MBOAT1: variants seen among roughly 807,000 people sequenced by gnomAD.
The protein encoded by MBOAT1 is membrane-bound glycerophospholipid O-acyltransferase 1.
In MBOAT1, 67 loss-of-function variants were observed where a neutral mutation model predicts 64.4. That is an observed-to-expected ratio of 1.04 (90% CI 0.85 to 1.27). MBOAT1 has a LOEUF of 1.27. MBOAT1 is among the 50% of genes most tolerant of loss of function. MBOAT1 has a pLI of 0.00. For synonymous variants in MBOAT1, 229 were observed against 218.9 expected (o/e 1.05, Z -0.41); for missense variants, 563 against 604.6 (o/e 0.93, Z 0.72).
At chr6:20,120,564 G>A (rs1006091132) in intron 8 of MBOAT1, among the ~76,000 whole-genome samples, 5 of 152,118 alleles carry the variant, frequency 3.3e-5, no homozygotes, top group African/African-American at 1.2e-4. Flanking sequence ...AGCTACTCAG[G>A]AGGCTGAGGC....
chr6:20,118,293 T>G, intron 9 of MBOAT1, 144 bp downstream of exon 9: 1 of 636,572 alleles, frequency 1.6e-6, no homozygotes, highest in Non-Finnish European at 2.7e-6. Context: ...AGATGCAAAA[T>G]GTCCAGTAGG....
rs551953621 is a variant in MBOAT1, at chr6:20,205,420, C to T, written c.99+6716G>A. Among the ~76,000 whole-genome samples, 11 of 152,234 alleles carry T rather than the reference C, an allele frequency of 7.2e-5. No individual in the cohort carries two copies. In the South Asian group the frequency reaches 1.7e-3, roughly 23 times the overall value. The stretch of plus-strand genomic sequence containing the variant: ...CTGTGAAGAATCACCTCTTGTTCCA[C>T]AACAGGAAGGCTAAAGCTCCAGGAC... On this transcript the variant is annotated intron_variant, in intron 1 of 12. Transcript: ENST00000324607.
intron 2 of MBOAT1, among the ~76,000 whole-genome samples, chr6:20,152,150 G>A (rs775617169): frequency 2.6e-5 from 4 of 151,476 alleles, no homozygotes; most frequent in Non-Finnish European, 4.4e-5. Context: ...GTGAAACCCC[G>A]TCTCTACTAA....
At chr6:20,102,877 CGTA>C (rs965215731) in intron 12 of MBOAT1, among the ~76,000 whole-genome samples, 1 of 152,102 alleles carries the variant, frequency 6.6e-6, no homozygotes, top group African/African-American at 2.4e-5. Flanking sequence ...CTAGTGACGT[CGTA>C]GCCATCGTAA....
intron 12 of MBOAT1, among the ~76,000 whole-genome samples, chr6:20,107,397 C>T (rs148218766): frequency 3.4e-4 from 51 of 151,996 alleles, no homozygotes; most frequent in African/African-American, 1.1e-3. Flanking sequence ...CCTTGCCCAC[C>T]GCGCTCACAC....
chr6:20,135,088 T>G (rs1760943393), intron 4 of MBOAT1, among the ~76,000 whole-genome samples: 1 of 152,074 alleles, frequency 6.6e-6, no homozygotes, highest in Non-Finnish European at 1.5e-5. Context: ...TCTCCAACCT[T>G]GGATTTAAAC....
intron 8 of MBOAT1, among the ~76,000 whole-genome samples, chr6:20,123,857 C>T (rs565015723): frequency 5.3e-5 from 8 of 152,098 alleles, no homozygotes; most frequent in South Asian, 2.1e-4. Context: ...GAGATCGAGA[C>T]CATCCTGGCT....
rs187286544 is a variant in MBOAT1 at position 20,143,671 on chromosome 6, G to A, written c.419+549C>T. On this transcript the variant is annotated intron_variant, in intron 4 of 12. Transcript: ENST00000324607. Reference sequence around the variant, plus strand: ...CAATGGGTACTAGGCTTAATACCTGGGTGACGAAATAATCTGTACAACAAA... The same window carrying A: ...CAATGGGTACTAGGCTTAATACCTGAGTGACGAAATAATCTGTACAACAAA... Among the ~76,000 whole-genome samples, 270 of 152,094 alleles carry A rather than the reference G, an allele frequency of 1.8e-3. 4 individuals are homozygous for A. The highest frequency in any genetic ancestry group is 5.0e-3 in the Admixed American group (77 of 15,268).
intron 7 of MBOAT1, chr6:20,125,745 A>G: frequency 3.2e-6 from 1 of 315,812 alleles, no homozygotes; most frequent in Non-Finnish European, 6.1e-6. Context: ...TGTCAAAAAT[A>G]TCTAAAAACT....
rs533073668 is a variant in MBOAT1, at chr6:20,180,321, C to T, written c.100-27552G>A. ...CTCTTTTCAACAAACCCTGATAGCT[C>T]TTGATGTCCTCCTACTTGCTCCGAT... On this transcript the variant is annotated intron_variant, in intron 1 of 12. Coordinates refer to ENST00000324607, the MANE Select transcript of MBOAT1 (RefSeq NM_001080480.3). Among the ~76,000 whole-genome samples, 5 of 152,240 alleles carry T rather than the reference C, an allele frequency of 3.3e-5. No homozygotes were observed. In the South Asian group the frequency reaches 1.0e-3, roughly 32 times the overall value.
At chr6:20,138,514 T>C (rs942538575) in intron 4 of MBOAT1, among the ~76,000 whole-genome samples, 1 of 152,258 alleles carries the variant, frequency 6.6e-6, no homozygotes, top group African/African-American at 2.4e-5. Flanking sequence ...ATCCACGATG[T>C]TCAGAAGCAC....
Position 20,203,158 on chromosome 6 carries a change from T to C in MBOAT1, c.99+8978A>G, listed in dbSNP as rs540201355. 3.5e-3 allele frequency among the ~76,000 whole-genome samples: 540 copies of C among 152,140 alleles called. 1 individual carries two copies. The highest frequency in any genetic ancestry group is 0.013 in the African/African-American group (520 of 41,510). On this transcript the variant is annotated intron_variant, in intron 1 of 12. Transcript: ENST00000324607. ...GTCTCAATAAAAAATAAAAATAAAA[T>C]AATAAATGTAATTCCAAGGCCAAGC...
intron 1 of MBOAT1, among the ~76,000 whole-genome samples, chr6:20,153,321 T>C (rs1227562082): frequency 1.3e-5 from 2 of 152,176 alleles, no homozygotes; most frequent in Non-Finnish European, 2.9e-5. Context: ...CAAGGTTGCT[T>C]TCCCACCCAC....
intron 1 of MBOAT1, 131 bp downstream of exon 1, chr6:20,212,005 A>ACACAC (rs1278813049): frequency 2.6e-4 from 137 of 530,022 alleles, no homozygotes; most frequent in Admixed American, 7.0e-4. Context: ...CACACACACA[A>ACACAC]AAACCAACTG....
chr6:20,179,112 C>T (rs556879192), intron 1 of MBOAT1, among the ~76,000 whole-genome samples: 1 of 151,680 alleles, frequency 6.6e-6, no homozygotes, highest in Admixed American at 6.6e-5. Flanking sequence ...CCACACCCCA[C>T]AAATGTTGGC....
intron 1 of MBOAT1, among the ~76,000 whole-genome samples, chr6:20,154,441 G>C (rs374159772): frequency 6.6e-6 from 1 of 152,164 alleles, no homozygotes; most frequent in Non-Finnish European, 1.5e-5. Context: ...GCTGAAGCAG[G>C]AGAATCGCTT....
At chr6:20,128,441 G>A (rs537143443) in intron 6 of MBOAT1, among the ~76,000 whole-genome samples, 79 of 152,138 alleles carry the variant, frequency 5.2e-4, no homozygotes, top group Non-Finnish European at 1.9e-4. Context: ...TTGACCTAAC[G>A]ATTCTACTTC....
chr6:20,154,682 G>A (rs922099635), intron 1 of MBOAT1, among the ~76,000 whole-genome samples: 1 of 152,120 alleles, frequency 6.6e-6, no homozygotes, highest in Non-Finnish European at 1.5e-5. Flanking sequence ...CCTGTCCTGC[G>A]TGATTTGGTC....
At chr6:20,197,738 T>C (rs1762998658) in intron 1 of MBOAT1, among the ~76,000 whole-genome samples, 2 of 152,180 alleles carry the variant, frequency 1.3e-5, no homozygotes, top group African/African-American at 2.4e-5. Context: ...AACCAAGCTG[T>C]GCCCTGACCA....
Sources: allele counts gnomAD v4.1 joint callset (sites outside exome capture counted in the v4.1 genomes callset), GRCh38; gene constraint gnomAD v4.1.1; transcripts MANE v1.5; gene names NCBI Gene and HGNC (gene_info 2026-07-23, HGNC 2026-07-21).